Variants in GNAL observed in about 807,000 individuals in gnomAD.
The protein encoded by GNAL is G protein subunit alpha L.
Under a neutral mutation model 55.1 loss-of-function variants are expected in GNAL, and 18 were observed. The observed-to-expected ratio is 0.33, with a 90% CI of 0.23 to 0.48. The LOEUF (loss-of-function observed/expected upper bound fraction) is 0.48, where lower values mean the gene tolerates loss of function less well. Among genes scored for constraint, GNAL ranks in the 20% least tolerant of loss-of-function variants. The probability of loss-of-function intolerance (pLI) is 0.99; values close to 1 mark genes in which losing one functional copy is unlikely to be tolerated. For synonymous variants in GNAL, 253 were observed against 237.0 expected (o/e 1.07, Z -0.62); for missense variants, 412 against 614.1 (o/e 0.67, Z 3.48).
At chr18:11,785,406 CA>C (rs976056998) in intron 4 of GNAL, among the ~76,000 whole-genome samples, 5 of 152,086 alleles carry the variant, frequency 3.3e-5, no homozygotes, top group Admixed American at 2.6e-4. Flanking sequence ...ATAAGTAGAA[CA>C]ATGGGAAATG....
rs187625625 is a variant in GNAL at position 11,797,181 on chromosome 18, C to T, written c.625-27737C>T. 3.6e-3 allele frequency among the ~76,000 whole-genome samples: 548 copies of T among 152,328 alleles called. 1 individual carries two copies. Among genetic ancestry groups the T allele is most frequent in the Non-Finnish European group, 6.1e-3 (412 of 68,020 alleles). ...TCCTGACCTCAGGTGATCCACCCCC[C>T]TTGGCCTCCCAAAGTGCTGGGATTA... On this transcript the variant is annotated intron_variant, in intron 4 of 11. Transcript: ENST00000334049.
intron 5 of GNAL, among the ~76,000 whole-genome samples, chr18:11,859,267 T>C (rs886523080): frequency 3.9e-5 from 6 of 152,140 alleles, no homozygotes; most frequent in African/African-American, 1.2e-4. Context: ...GGAAGCAGCC[T>C]TCTCACCCAG....
In GNAL at chr18:11,788,936, T is replaced by TAC. The variant is rs1555650657; in HGVS notation, c.624+34995_624+34996dup. The stretch of plus-strand genomic sequence containing the variant: ...AAAAATATATATATATATATATATA[T>TAC]ACACATATATATCAAAAGTGTTTTT... On this transcript the variant is annotated intron_variant, in intron 4 of 11. Transcript: ENST00000334049. 3.4e-4 allele frequency among the ~76,000 whole-genome samples: 44 copies of TAC among 128,908 alleles called. 1 individual carries two copies. Among genetic ancestry groups the TAC allele is most frequent in the African/African-American group, 1.2e-3 (36 of 31,102 alleles). 84.6% of individuals were successfully genotyped at this position (128,908 alleles called of 152,430 possible). A position where few individuals can be genotyped will look rare whatever the true frequency, so the allele number is the denominator to read the frequency against.
At chr18:11,805,271 T>C (rs2034629230) in intron 4 of GNAL, among the ~76,000 whole-genome samples, 1 of 152,018 alleles carries the variant, frequency 6.6e-6, no homozygotes. Context: ...ATGGAGATAT[T>C]GTGTAGTGGT....
At position 11,720,641 on chromosome 18, in the gene GNAL, C is replaced by T. The variant is rs150787246; in HGVS notation, c.376+30702C>T. On this transcript the variant is annotated intron_variant, in intron 1 of 11. Transcript: ENST00000334049. ...ATATCTGCCTTCTGGCATTGCATAA[C>T]ATTGCAAACTAACCACTTCCAATTG... Among the ~76,000 whole-genome samples, 402 of 152,326 alleles carry T rather than the reference C, an allele frequency of 2.6e-3. 2 individuals are homozygous for T. Among genetic ancestry groups the T allele is most frequent in the African/African-American group, 9.5e-3 (395 of 41,564 alleles).
chr18:11,760,571 G>C (rs2033207446), intron 4 of GNAL, among the ~76,000 whole-genome samples: 1 of 152,176 alleles, frequency 6.6e-6, no homozygotes, highest in African/African-American at 2.4e-5. Flanking sequence ...TATTATAGGG[G>C]CCCACTTAAG....
intron 5 of GNAL, chr18:11,851,283 A>G (rs999579893): frequency 6.0e-6 from 3 of 503,106 alleles, no homozygotes; most frequent in Admixed American, 3.8e-5. Flanking sequence ...ATCCCCCTGC[A>G]TGCGCAGCCC....
chr18:11,864,395 T>G, intron 6 of GNAL, 138 bp from the exon 7 acceptor site: 1 of 672,020 alleles, frequency 1.5e-6, no homozygotes. Flanking sequence ...GCTCGGCCAA[T>G]GTTGGTTCTT....
At chr18:11,734,148 CTTT>C (rs545091797) in intron 1 of GNAL, among the ~76,000 whole-genome samples, 6 of 137,170 alleles carry the variant, frequency 4.4e-5, no homozygotes, top group Admixed American at 7.3e-5. Flanking sequence ...TTTTCTTTTT[CTTT>C]TTTTTTTTTT....
chr18:11,876,807 C>T (rs1214280261), intron 11 of GNAL, 119 bp downstream of exon 11: 1 of 718,640 alleles, frequency 1.4e-6, no homozygotes, highest in Non-Finnish European at 2.6e-6. Flanking sequence ...CGAGCGATGA[C>T]AAAGGGTATG....
intron 5 of GNAL, among the ~76,000 whole-genome samples, chr18:11,842,834 A>T (rs960302185): frequency 6.6e-6 from 1 of 152,050 alleles, no homozygotes; most frequent in Non-Finnish European, 1.5e-5. Flanking sequence ...CTTAGTTCAT[A>T]CTCATTGTAA....
rs2036760496 is a variant in GNAL, at chr18:11,883,228, C to CAGTGGCATGGGG, written c.*2094_*2095insGTGGCATGGGGA. The stretch of plus-strand genomic sequence containing the variant: ...TCTCATCACCGTCTTACTGCCTCCC[C>CAGTGGCATGGGG]ATCCACTGTCTCATAAAGCCCTCAG... On this transcript the variant is annotated 3_prime_UTR_variant, in exon 12 of 12. Transcript: ENST00000334049. The CAGTGGCATGGGG allele has an allele frequency of 6.6e-6, 1 of 152,180 alleles. No individual in the cohort carries two copies. Among genetic ancestry groups the CAGTGGCATGGGG allele is most frequent in the Non-Finnish European group, 1.5e-5 (1 of 68,024 alleles). The allele number at this position is 152,180 out of a possible 1,614,324, so 9.4% of individuals were successfully genotyped here. A position where few individuals can be genotyped will look rare whatever the true frequency, so the allele number is the denominator to read the frequency against.
intron 6 of GNAL, among the ~76,000 whole-genome samples, chr18:11,862,708 C>T (rs1043230948): frequency 6.6e-6 from 1 of 152,042 alleles, no homozygotes; most frequent in Non-Finnish European, 1.5e-5. Context: ...TATGCCGTTC[C>T]TTTTCCTCCT....
chr18:11,724,059 G>A (rs1256560004), intron 1 of GNAL, among the ~76,000 whole-genome samples: 1 of 152,202 alleles, frequency 6.6e-6, no homozygotes, highest in Non-Finnish European at 1.5e-5. Context: ...TTAGTGGCTT[G>A]AAACAGCAAC....
chr18:11,729,296 C>T (rs561540215), intron 1 of GNAL, among the ~76,000 whole-genome samples: 1 of 152,140 alleles, frequency 6.6e-6, no homozygotes, highest in East Asian at 1.9e-4. Flanking sequence ...CTCCTCTTGC[C>T]CCACCTGTGT....
intron 4 of GNAL, among the ~76,000 whole-genome samples, chr18:11,774,030 G>A (rs960435989): frequency 1.3e-5 from 2 of 152,098 alleles, no homozygotes; most frequent in Non-Finnish European, 2.9e-5. Flanking sequence ...AAGCTTTTTG[G>A]GGGAATTAAA....
rs921454117 is a variant in GNAL at position 11,884,765 on chromosome 18, C to T, written c.*3630C>T. ...GGGAACGGGCCCTCCTCACCTGAGA[C>T]CAAGGGGGCCCAGCCTTCTCCCTGC... On this transcript the variant is annotated 3_prime_UTR_variant, in exon 12 of 12. Coordinates refer to ENST00000334049, the MANE Select transcript of GNAL (RefSeq NM_182978.4). 1.1e-5 allele frequency: 15 copies of T among 1,321,136 alleles called. No homozygotes were observed. The highest frequency in any genetic ancestry group is 1.4e-5 in the Non-Finnish European group (14 of 989,656). The allele number at this position is 1,321,136 out of a possible 1,614,324, so 81.8% of individuals were successfully genotyped here. A position where few individuals can be genotyped will look rare whatever the true frequency, so the allele number is the denominator to read the frequency against.
chr18:11,841,644 CA>C (rs56295234), intron 5 of GNAL, among the ~76,000 whole-genome samples: 101,031 of 122,662 alleles, frequency 0.82, 41,982 homozygotes, highest in East Asian at 0.95. Flanking sequence ...GGGTCTGTCT[CA>C]AAAAAAAAAA....
chr18:11,871,952 C>A (rs1030361635), intron 9 of GNAL, among the ~76,000 whole-genome samples: 1 of 152,232 alleles, frequency 6.6e-6, no homozygotes, highest in Non-Finnish European at 1.5e-5. Context: ...ACTAGTCCAG[C>A]ATCCCTAATA....
Sources: gnomAD v4.1 joint callset for allele counts (sites outside exome capture counted in the v4.1 genomes callset) on GRCh38, gnomAD v4.1.1 for gene constraint, MANE v1.5 for transcripts, NCBI Gene and HGNC (gene_info 2026-07-23, HGNC 2026-07-21) for gene names.